PCDHAC1: variants seen among roughly 807,000 people sequenced by gnomAD.
The protein encoded by PCDHAC1 is protocadherin alpha subfamily C, 1.
In PCDHAC1, 42 loss-of-function variants were observed where a neutral mutation model predicts 60.0. The ratio of observed to expected loss-of-function variants is 0.70; its 90% CI spans 0.55 to 0.90. PCDHAC1 has a LOEUF of 0.90. Ranked by LOEUF, PCDHAC1 falls within the 40% of genes least tolerant of loss-of-function variation. The pLI is 0.00. For missense variants in PCDHAC1, 1,160 were observed against 1,222.3 expected (o/e 0.95, Z 0.76); for synonymous variants, 468 against 499.3 (o/e 0.94, Z 0.84).
intron 1 of PCDHAC1, chr5:140,969,258 A>G (rs782513796): frequency 9.3e-6 from 15 of 1,614,106 alleles, no homozygotes; most frequent in Admixed American, 8.3e-5. Context: ...GACAGCAGGA[A>G]TCTCACAGGC....
intron 1 of PCDHAC1, among the ~76,000 whole-genome samples, chr5:140,953,024 G>A (rs2094834462): frequency 6.6e-6 from 1 of 152,026 alleles, no homozygotes; most frequent in South Asian, 2.1e-4. Context: ...AACATTAAGG[G>A]GGAAATCCAC....
chr5:141,009,482 C>A, intron 3 of PCDHAC1, 145 bp from the exon 4 acceptor site: 1 of 1,446,086 alleles, frequency 6.9e-7, no homozygotes, highest in Non-Finnish European at 9.1e-7. Flanking sequence ...TAAACACTTG[C>A]CTTGCCCTCA....
At chr5:140,987,235 TAAAG>T (rs1182642222) in intron 3 of PCDHAC1, among the ~76,000 whole-genome samples, 2 of 151,266 alleles carry the variant, frequency 1.3e-5, no homozygotes, top group African/African-American at 2.4e-5. Flanking sequence ...AAATAATAAA[TAAAG>T]AAAGAAAGAC....
rs782277287 is a variant in PCDHAC1 at position 140,929,397 on chromosome 5, T to C, written c.2433+72T>C. 4.6e-6 allele frequency: 7 copies of C among 1,509,852 alleles called. No homozygotes were observed. In the South Asian group the frequency reaches 9.5e-5, roughly 21 times the overall value. The allele number at this position is 1,509,852 out of a possible 1,614,324, so 93.5% of individuals were successfully genotyped here. A position where few individuals can be genotyped will look rare whatever the true frequency, so the allele number is the denominator to read the frequency against. Reference sequence around the variant, plus strand: ...GCTAGCTGTGTTTTGAAATATTTCTTAGACAAGCCTTTCACAACATTTCAT... The same window carrying C: ...GCTAGCTGTGTTTTGAAATATTTCTCAGACAAGCCTTTCACAACATTTCAT... On this transcript the variant is annotated intron_variant, in intron 1 of 3. Transcript: ENST00000253807.
chr5:140,980,734 T>C (rs2096903764), intron 2 of PCDHAC1, among the ~76,000 whole-genome samples: 3 of 151,998 alleles, frequency 2.0e-5, no homozygotes, highest in African/African-American at 4.8e-5. Context: ...TAAGATATTA[T>C]GAGATTTGAG....
At position 140,928,570 on chromosome 5, in the gene PCDHAC1, C is replaced by A. The variant is rs2085340367; in HGVS notation, c.1678C>A (p.Pro560Thr). 1 of 1,614,196 alleles carries A rather than the reference C, an allele frequency of 6.2e-7. No individual in the cohort carries two copies. The highest frequency in any genetic ancestry group is 1.1e-5 in the South Asian group (1 of 91,078). The change falls in exon 1 of 4, where the codon CCC (proline) becomes ACC (threonine). Residue 560 changes from proline to threonine, a missense_variant. Pro to Thr is a conservative substitution (Grantham distance 38). Coordinates refer to ENST00000253807, the MANE Select transcript of PCDHAC1 (RefSeq NM_018898.5). ...DNYPVILFPL[P>T]RNGSVPVEIV... ...TTATCCGGTTATCTTGTTTCCCTTG[C>A]CCAGAAATGGTTCTGTCCCAGTGGA... is the stretch of plus-strand genomic sequence containing the variant.
chr5:140,950,646 G>T (rs1221939583), intron 1 of PCDHAC1, among the ~76,000 whole-genome samples: 2 of 151,884 alleles, frequency 1.3e-5, no homozygotes, highest in African/African-American at 4.8e-5. Context: ...TCCTGTTTAT[G>T]GTTGGCTGAG....
intron 1 of PCDHAC1, among the ~76,000 whole-genome samples, chr5:140,953,652 G>A (rs2094921965): frequency 6.6e-6 from 1 of 152,102 alleles, no homozygotes; most frequent in South Asian, 2.1e-4. Context: ...AGCTATAGTT[G>A]TTATCTCTGG....
rs548122977 is a variant in PCDHAC1 at position 141,010,588 on chromosome 5, T to C, written c.*651T>C. ...AGGCTTTAGGAGACCCTAAAGTCTG[T>C]TGGCTGTGACGTCATTATACCTAAA... On this transcript the variant is annotated 3_prime_UTR_variant, in exon 4 of 4. Coordinates refer to ENST00000253807, the MANE Select transcript of PCDHAC1 (RefSeq NM_018898.5). 5 of 233,334 alleles carry C rather than the reference T, an allele frequency of 2.1e-5. No individual in the cohort carries two copies. In the East Asian group the frequency reaches 4.8e-4, roughly 22 times the overall value. 14.5% of individuals were successfully genotyped at this position (233,334 alleles called of 1,614,324 possible).
intron 3 of PCDHAC1, among the ~76,000 whole-genome samples, chr5:141,005,774 G>A (rs2098239231): frequency 1.4e-5 from 2 of 144,252 alleles, no homozygotes; most frequent in Non-Finnish European, 3.0e-5. Flanking sequence ...AACCAGATGT[G>A]TAAAGATCCT....
chr5:140,966,575 A>C (rs2096022921), intron 1 of PCDHAC1: 1 of 520,380 alleles, frequency 1.9e-6, no homozygotes, highest in Non-Finnish European at 3.2e-6. Context: ...ATGGGGAGTC[A>C]GCGAGGACGG....
At position 140,928,892 on chromosome 5, in the gene PCDHAC1, T is replaced by C; in HGVS notation, c.2000T>C (p.Phe667Ser). ...TCTGTCCCTCAGTTACTTCCAGACT[T>C]TGAAGATGTCTGGGAACCAGGAGGG... ...SNSVPQLLPD[F>S]EDVWEPGGQL... is the part of the protein sequence containing the mutation. The change falls in exon 1 of 4, where the codon TTT (phenylalanine) becomes TCT (serine). Residue 667 changes from phenylalanine to serine, a missense_variant. Coordinates refer to ENST00000253807, the MANE Select transcript of PCDHAC1 (RefSeq NM_018898.5). 1 of 1,614,198 alleles carries C rather than the reference T, an allele frequency of 6.2e-7. No homozygotes were observed. The highest frequency in any genetic ancestry group is 8.5e-7 in the Non-Finnish European group (1 of 1,180,048).
Position 140,927,213 on chromosome 5 carries a change from G to C in PCDHAC1, c.321G>C (p.Leu107=), listed in dbSNP as rs1384969721. The change falls in exon 1 of 4, where the codon CTG becomes CTC. Residue 107 remains leucine, a synonymous_variant. Coordinates refer to ENST00000253807, the MANE Select transcript of PCDHAC1 (RefSeq NM_018898.5). ...YDLVLEDPLE[L]HKIRIHVLDT... ...TGGTGCTCGAGGACCCGCTGGAGCT[G>C]CACAAGATTCGGATTCACGTCCTGG... The C allele has an allele frequency of 6.8e-6, 11 of 1,614,000 alleles. No homozygotes were observed. The highest frequency in any genetic ancestry group is 9.3e-6 in the Non-Finnish European group (11 of 1,180,032).
intron 1 of PCDHAC1, among the ~76,000 whole-genome samples, chr5:140,970,254 T>C (rs1315934666): frequency 1.3e-5 from 2 of 152,238 alleles, no homozygotes; most frequent in African/African-American, 4.8e-5. Context: ...TGACAGTTTC[T>C]ATGGTTTTGA....
At chr5:141,006,033 G>A (rs1162099125) in intron 3 of PCDHAC1, among the ~76,000 whole-genome samples, 1 of 151,252 alleles carries the variant, frequency 6.6e-6, no homozygotes, top group Non-Finnish European at 1.5e-5. Context: ...TAGTAAGAGG[G>A]AGATTTGTAG....
At chr5:140,966,741 G>T in intron 1 of PCDHAC1, 1 of 1,421,322 alleles carries the variant, frequency 7.0e-7, no homozygotes, top group Non-Finnish European at 9.1e-7. Flanking sequence ...GGCCCTGCCC[G>T]GCTGCCTCCG....
chr5:141,011,325 A>G lies in PCDHAC1; in HGVS notation c.*1388A>G, dbSNP rs533115888. 1 of 153,778 alleles carries G rather than the reference A, an allele frequency of 6.5e-6. No individual in the cohort carries two copies. Among genetic ancestry groups the G allele is most frequent in the African/African-American group, 2.4e-5 (1 of 41,456 alleles). 9.5% of individuals were successfully genotyped at this position (153,778 alleles called of 1,614,324 possible). On this transcript the variant is annotated 3_prime_UTR_variant, in exon 4 of 4. Transcript: ENST00000253807. ...TGAATTGCTAATCTTACTAACACCTATGATGTTACCTGAAATCAATCTCCC... is the reference window on the plus strand; with the variant it reads ...TGAATTGCTAATCTTACTAACACCTGTGATGTTACCTGAAATCAATCTCCC...
At chr5:140,929,386 GAA>G in intron 1 of PCDHAC1, 61 bp downstream of exon 1, 1 of 1,511,328 alleles carries the variant, frequency 6.6e-7, no homozygotes, top group Non-Finnish European at 8.9e-7. Context: ...GCTGTGTTTT[GAA>G]ATATTTCTTA....
chr5:140,928,821 C>T lies in PCDHAC1; in HGVS notation c.1929C>T (p.Asp643=). 1.2e-6 allele frequency: 2 copies of T among 1,614,142 alleles called. No individual in the cohort carries two copies. The highest frequency in any genetic ancestry group is 1.7e-6 in the Non-Finnish European group (2 of 1,180,042). The change falls in exon 1 of 4, where the codon GAC becomes GAT. Residue 643 remains aspartate, a synonymous_variant. Transcript: ENST00000253807. ...RVVVVVRDHG[D]PPLSSSVTLG... Reference sequence around the variant, plus strand: ...TGGTAGTGGTTCGGGACCATGGAGACCCACCACTTTCCTCCTCTGTCACTC... The same window carrying T: ...TGGTAGTGGTTCGGGACCATGGAGATCCACCACTTTCCTCCTCTGTCACTC...
Sources: gnomAD v4.1 joint callset for allele counts (sites outside exome capture counted in the v4.1 genomes callset) on GRCh38, gnomAD v4.1.1 for gene constraint, MANE v1.5 for transcripts, NCBI Gene and HGNC (gene_info 2026-07-23, HGNC 2026-07-21) for gene names.